Variants in NRG3 observed in about 807,000 individuals in gnomAD.
The protein encoded by NRG3 is pro-neuregulin-3, membrane-bound isoform.
In NRG3, 31 loss-of-function variants were observed where a neutral mutation model predicts 66.9. That is an observed-to-expected ratio of 0.46 (90% confidence interval 0.35 to 0.63). The LOEUF (loss-of-function observed/expected upper bound fraction) is 0.63, where lower values mean the gene tolerates loss of function less well. Among genes scored for constraint, NRG3 ranks in the 20% least tolerant of loss-of-function variants. NRG3 has a pLI of 0.00. For synonymous variants in NRG3, 393 were observed against 359.4 expected (o/e 1.09, Z -1.06); for missense variants, 910 against 878.9 (o/e 1.04, Z -0.45).
At position 82,943,859 on chromosome 10, in the gene NRG3, G is replaced by A. The variant is rs150657758; in HGVS notation, c.1055-7610G>A. Reference sequence around the variant, plus strand: ...GAAAGATGAAAAACCAGAATTTATCGAATTACTATGTGCTATATGCTTAAG... The same window carrying A: ...GAAAGATGAAAAACCAGAATTTATCAAATTACTATGTGCTATATGCTTAAG... On this transcript the variant is annotated intron_variant, in intron 4 of 8. Coordinates refer to ENST00000372141, the MANE Select transcript of NRG3 (RefSeq NM_001010848.4). 9.6e-3 allele frequency among the ~76,000 whole-genome samples: 1,454 copies of A among 152,224 alleles called. 20 individuals are homozygous for A. The highest frequency in any genetic ancestry group is 0.049 in the South Asian group (235 of 4,824).
intron 1 of NRG3, among the ~76,000 whole-genome samples, chr10:81,980,136 T>A (rs1468779646): frequency 6.6e-6 from 1 of 152,232 alleles, no homozygotes; most frequent in African/African-American, 2.4e-5. Flanking sequence ...TTTGTTTCCT[T>A]CCCAAATCTT....
At chr10:82,497,543 ATCT>A (rs920046942) in intron 2 of NRG3, among the ~76,000 whole-genome samples, 29 of 152,044 alleles carry the variant, frequency 1.9e-4, no homozygotes, top group South Asian at 2.1e-4. Flanking sequence ...AAATGGCAGA[ATCT>A]TCTTCTTTTT....
intron 1 of NRG3, among the ~76,000 whole-genome samples, chr10:82,343,621 C>T (rs1313813552): frequency 6.6e-6 from 1 of 152,112 alleles, no homozygotes; most frequent in Non-Finnish European, 1.5e-5. Flanking sequence ...CTGGAGGCAT[C>T]GCATATCTGT....
chr10:82,092,930 G>T (rs1045746241), intron 1 of NRG3, among the ~76,000 whole-genome samples: 1 of 152,120 alleles, frequency 6.6e-6, no homozygotes, highest in East Asian at 1.9e-4. Flanking sequence ...AACATGAAGT[G>T]CATATTACTT....
intron 1 of NRG3, among the ~76,000 whole-genome samples, chr10:82,222,749 G>T (rs2076000275): frequency 6.6e-6 from 1 of 152,056 alleles, no homozygotes; most frequent in Non-Finnish European, 1.5e-5. Flanking sequence ...CTTTTCTTCT[G>T]AATTCTAGGT....
chr10:82,543,273 A>G (rs1403923569), intron 2 of NRG3, among the ~76,000 whole-genome samples: 1 of 152,152 alleles, frequency 6.6e-6, no homozygotes, highest in Non-Finnish European at 1.5e-5. Context: ...TAATAGTAAT[A>G]TATTCATATT....
intron 2 of NRG3, among the ~76,000 whole-genome samples, chr10:82,597,026 C>T (rs1000893999): frequency 2.0e-5 from 3 of 152,090 alleles, no homozygotes; most frequent in Non-Finnish European, 2.9e-5. Flanking sequence ...GGCTTTGTTT[C>T]TGTGCATGAT....
intron 3 of NRG3, among the ~76,000 whole-genome samples, chr10:82,742,570 G>T (rs578010337): frequency 6.6e-6 from 1 of 152,100 alleles, no homozygotes; most frequent in Non-Finnish European, 1.5e-5. Flanking sequence ...CAGATCATGA[G>T]GCTGAATAGC....
intron 1 of NRG3, among the ~76,000 whole-genome samples, chr10:81,884,343 C>G (rs912023174): frequency 6.6e-6 from 1 of 152,108 alleles, no homozygotes; most frequent in East Asian, 1.9e-4. Context: ...AGAGAAATTG[C>G]CTGGGTTTTC....
intron 2 of NRG3, among the ~76,000 whole-genome samples, chr10:82,592,334 GA>G (rs1321834210): frequency 6.6e-6 from 1 of 152,114 alleles, no homozygotes; most frequent in African/African-American, 2.4e-5. Flanking sequence ...TAAAAGAAGA[GA>G]ATATGAATTG....
At chr10:82,023,651 G>A (rs2062162504) in intron 1 of NRG3, among the ~76,000 whole-genome samples, 1 of 152,028 alleles carries the variant, frequency 6.6e-6, no homozygotes, top group African/African-American at 2.4e-5. Flanking sequence ...CATGTATCAT[G>A]TTTATTAATT....
At chr10:82,505,590 C>T (rs879418988) in intron 2 of NRG3, among the ~76,000 whole-genome samples, 7 of 152,152 alleles carry the variant, frequency 4.6e-5, no homozygotes, top group Non-Finnish European at 8.8e-5. Context: ...GCACAATCAC[C>T]CCAGTCCCTT....
intron 5 of NRG3, among the ~76,000 whole-genome samples, chr10:82,955,859 G>T (rs1849992774): frequency 2.0e-5 from 3 of 151,830 alleles, no homozygotes; most frequent in African/African-American, 4.9e-5. Flanking sequence ...TTCCATTCTG[G>T]TATTGTTTAC....
intron 2 of NRG3, among the ~76,000 whole-genome samples, chr10:82,591,065 A>G (rs1024996706): frequency 6.6e-6 from 1 of 152,224 alleles, no homozygotes; most frequent in African/African-American, 2.4e-5. Context: ...CCTGAGGCAC[A>G]TCAGCTGTCA....
At chr10:82,063,424 C>T (rs560354367) in intron 1 of NRG3, among the ~76,000 whole-genome samples, 36 of 151,570 alleles carry the variant, frequency 2.4e-4, no homozygotes. Context: ...ATATTTTTAA[C>T]ATAACTCTGC....
In NRG3 at chr10:82,957,425, C is replaced by T. The variant is rs545222358; in HGVS notation, c.1158-1524C>T. Among the ~76,000 whole-genome samples the T allele has an allele frequency of 4.0e-5, 6 of 151,830 alleles. No individual in the cohort carries two copies. In the South Asian group the frequency reaches 1.0e-3, roughly 26 times the overall value. ...CTGACGGCACTATCTTTGTCAGAGA[C>T]GTTGGAAGACAGGCAAAATTCAAGG... On this transcript the variant is annotated intron_variant, in intron 5 of 8. Transcript: ENST00000372141.
Position 82,137,745 on chromosome 10 carries a change from C to A in NRG3, c.824-220994C>A, listed in dbSNP as rs190922021. ...GAGCAGCAAGAATTTGTTATGCATCCACTCTGTGCCTGAGGCTCTGCTGAG... is the reference window on the plus strand; with the variant it reads ...GAGCAGCAAGAATTTGTTATGCATCAACTCTGTGCCTGAGGCTCTGCTGAG... On this transcript the variant is annotated intron_variant, in intron 1 of 8. Transcript: ENST00000372141. 2.9e-3 allele frequency among the ~76,000 whole-genome samples: 440 copies of A among 152,284 alleles called. 1 individual carries two copies. Among genetic ancestry groups the A allele is most frequent in the Admixed American group, 4.4e-3 (67 of 15,292 alleles).
chr10:81,954,127 T>C (rs891848021), intron 1 of NRG3, among the ~76,000 whole-genome samples: 1 of 152,166 alleles, frequency 6.6e-6, no homozygotes, highest in Non-Finnish European at 1.5e-5. Context: ...AAATAAAGCA[T>C]GGAACATTTT....
intron 1 of NRG3, among the ~76,000 whole-genome samples, chr10:81,990,564 T>C (rs2060699932): frequency 6.6e-6 from 1 of 152,142 alleles, no homozygotes; most frequent in Non-Finnish European, 1.5e-5. Context: ...ATTGGTGCAG[T>C]AAGGATAATT....
Sources: gnomAD v4.1 joint callset for allele counts (sites outside exome capture counted in the v4.1 genomes callset) on GRCh38, gnomAD v4.1.1 for gene constraint, MANE v1.5 for transcripts, NCBI Gene and HGNC (gene_info 2026-07-23, HGNC 2026-07-21) for gene names.